C7: variants seen among roughly 807,000 people sequenced by gnomAD.
C7 encodes the protein complement component C7.
A neutral mutation model predicts 104.8 loss-of-function variants in C7; 83 were observed. That is an observed-to-expected ratio of 0.79 (90% CI 0.66 to 0.95). C7 has a LOEUF of 0.95. Among genes scored for constraint, C7 ranks in the 40% least tolerant of loss-of-function variants. The pLI is 0.00. For synonymous variants in C7, 415 were observed against 360.6 expected (o/e 1.15, Z -1.71); for missense variants, 1,070 against 1,011.2 (o/e 1.06, Z -0.79).
intron 14 of C7, among the ~76,000 whole-genome samples, chr5:40,965,637 TA>T (rs1740528137): frequency 1.3e-5 from 1 of 76,792 alleles, no homozygotes; most frequent in Non-Finnish European, 2.4e-5. Flanking sequence ...GATATATATA[TA>T]TATATATATA....
intron 7 of C7, 90 bp downstream of exon 7, chr5:40,945,458 C>A (rs1740027023): frequency 2.4e-6 from 2 of 841,666 alleles, no homozygotes; most frequent in Non-Finnish European, 1.8e-6. Flanking sequence ...AAAGGATCAG[C>A]TTTCATATTA....
intron 14 of C7, among the ~76,000 whole-genome samples, chr5:40,970,654 A>T (rs1561258551): frequency 1.3e-5 from 2 of 152,056 alleles, no homozygotes; most frequent in South Asian, 4.1e-4. Context: ...GGTTTGTTAC[A>T]TAGGTATATA....
chr5:40,968,571 TATATATATATATATA>T (rs1740611811), intron 14 of C7, among the ~76,000 whole-genome samples: 13 of 63,070 alleles, frequency 2.1e-4, no homozygotes, highest in South Asian at 4.8e-4. Context: ...ATATATTTTA[TATATATATATATATA>T]TATATATATA....
At chr5:40,939,600 A>G (rs1487247099) in intron 6 of C7, among the ~76,000 whole-genome samples, 1 of 152,238 alleles carries the variant, frequency 6.6e-6, no homozygotes, top group East Asian at 1.9e-4. Flanking sequence ...ACCTTTGGCC[A>G]GAAAGGAGAA....
chr5:40,922,225 A>AT (rs1739453318), intron 1 of C7, among the ~76,000 whole-genome samples: 1 of 151,170 alleles, frequency 6.6e-6, no homozygotes, highest in South Asian at 2.1e-4. Context: ...AAATACGAAA[A>AT]TTAGCCAGGT....
In C7 at chr5:40,982,690, C is replaced by G. The variant is rs533168129; in HGVS notation, c.*1117C>G. 2.6e-5 allele frequency: 4 copies of G among 152,460 alleles called. No homozygotes were observed. In the East Asian group the frequency reaches 7.5e-4, roughly 29 times the overall value. The allele number at this position is 152,460 out of a possible 1,614,324, so 9.4% of individuals were successfully genotyped here. A position where few individuals can be genotyped will look rare whatever the true frequency, so the allele number is the denominator to read the frequency against. Reference sequence around the variant, plus strand: ...AATAGTTTTCCCTATTCTGTGGATACAGTCCCAGAGTTTTCAGGGAGTACA... The same window carrying G: ...AATAGTTTTCCCTATTCTGTGGATAGAGTCCCAGAGTTTTCAGGGAGTACA... On this transcript the variant is annotated 3_prime_UTR_variant, in exon 18 of 18. Transcript: ENST00000313164.
chr5:40,931,985 C>G (rs1427896725), intron 3 of C7, among the ~76,000 whole-genome samples: 1 of 152,170 alleles, frequency 6.6e-6, no homozygotes, highest in African/African-American at 2.4e-5. Context: ...GTCTCGATCT[C>G]TTGATCTCGT....
intron 1 of C7, among the ~76,000 whole-genome samples, chr5:40,917,183 C>T (rs1739337098): frequency 1.3e-5 from 2 of 151,534 alleles, no homozygotes; most frequent in South Asian, 2.1e-4. Context: ...TTAAGTAAGT[C>T]ACCATTTTGT....
At chr5:40,930,567 G>T (rs970031882) in intron 2 of C7, among the ~76,000 whole-genome samples, 2 of 148,262 alleles carry the variant, frequency 1.3e-5, no homozygotes, top group African/African-American at 5.0e-5. Flanking sequence ...GTACATAATA[G>T]ATTTTGTTTT....
chr5:40,963,086 T>C lies in C7; in HGVS notation c.1749+914T>C, dbSNP rs765489168. Among the ~76,000 whole-genome samples, 10 of 152,228 alleles carry C rather than the reference T, an allele frequency of 6.6e-5. No homozygotes were observed. In the Middle Eastern group the frequency reaches 0.024, roughly 362 times the overall value. On this transcript the variant is annotated intron_variant, in intron 13 of 17. Transcript: ENST00000313164. ...TGGAGTTCCTGAATGGAACATATGC[T>C]CAGAGAATAGGCCAAGCAAACTCAT...
At chr5:40,926,624 T>C (rs1739560549) in intron 1 of C7, among the ~76,000 whole-genome samples, 1 of 152,184 alleles carries the variant, frequency 6.6e-6, no homozygotes, top group Non-Finnish European at 1.5e-5. Flanking sequence ...AACAATGAAC[T>C]ATGTGAGAAA....
At chr5:40,926,288 C>T (rs1739550858) in intron 1 of C7, among the ~76,000 whole-genome samples, 1 of 152,106 alleles carries the variant, frequency 6.6e-6, no homozygotes, top group Non-Finnish European at 1.5e-5. Flanking sequence ...ATGAGAAGCC[C>T]ACAGCTAACA....
intron 14 of C7, among the ~76,000 whole-genome samples, chr5:40,967,070 T>C (rs1246300350): frequency 1.6e-5 from 1 of 61,530 alleles, no homozygotes; most frequent in East Asian, 1.0e-3. Flanking sequence ...TTTCAAAGGA[T>C]TTTTTTTTTT....
At chr5:40,916,324 G>T (rs1165973429) in intron 1 of C7, among the ~76,000 whole-genome samples, 1 of 152,122 alleles carries the variant, frequency 6.6e-6, no homozygotes, top group Non-Finnish European at 1.5e-5. Context: ...ATCATAAAAG[G>T]CCTCAGGAGT....
intron 1 of C7, among the ~76,000 whole-genome samples, chr5:40,918,726 G>T (rs943730636): frequency 6.6e-6 from 1 of 151,408 alleles, no homozygotes; most frequent in Non-Finnish European, 1.5e-5. Flanking sequence ...TGATAAAGGA[G>T]TCAACTCATC....
chr5:40,927,248 T>G (rs1444485515), intron 1 of C7, among the ~76,000 whole-genome samples: 1 of 151,838 alleles, frequency 6.6e-6, no homozygotes, highest in Non-Finnish European at 1.5e-5. Context: ...AAAAATCTAC[T>G]CAGAATGGGA....
intron 10 of C7, among the ~76,000 whole-genome samples, chr5:40,956,149 T>C (rs957855931): frequency 3.3e-5 from 5 of 152,212 alleles, no homozygotes; most frequent in Admixed American, 1.3e-4. Context: ...GTCACACTCA[T>C]ATGAAAAAGA....
At chr5:40,927,002 A>G (rs1461183934) in intron 1 of C7, among the ~76,000 whole-genome samples, 1 of 147,384 alleles carries the variant, frequency 6.8e-6, no homozygotes, top group Non-Finnish European at 1.5e-5. Context: ...AAACTATACT[A>G]CAAAGCTATA....
intron 1 of C7, among the ~76,000 whole-genome samples, chr5:40,926,099 T>A (rs4461680): frequency 0.23 from 34,508 of 152,122 alleles, 4,111 homozygotes; most frequent in East Asian, 0.31. Context: ...AATGCAAGGA[T>A]GGTTCAACAC....
Sources: allele counts gnomAD v4.1 joint callset (sites outside exome capture counted in the v4.1 genomes callset), GRCh38; gene constraint gnomAD v4.1.1; transcripts MANE v1.5; gene names NCBI Gene and HGNC (gene_info 2026-07-23, HGNC 2026-07-21).